SP3: variants seen among roughly 807,000 people sequenced by gnomAD.
SP3 encodes the protein Sp3 transcription factor, also known as transcription factor Sp3.
In SP3, 10 loss-of-function variants were observed where a neutral mutation model predicts 70.3. That is an observed-to-expected ratio of 0.14 (90% CI 0.09 to 0.24). SP3 has a LOEUF of 0.24. Ranked by LOEUF, SP3 falls within the 10% of genes least tolerant of loss-of-function variation. The probability of loss-of-function intolerance (pLI) is 1.00; values close to 1 mark genes in which losing one functional copy is unlikely to be tolerated. For synonymous variants in SP3, 402 were observed against 333.5 expected, an observed-to-expected ratio of 1.21 and a Z score of -2.24; for missense variants, 825 against 914.6, an observed-to-expected ratio of 0.90 and a Z score of 1.26.
rs1181021207 is a variant in SP3 at position 173,901,908 on chromosome 2, G to A, written c.*8033C>T. On this transcript the variant is annotated 3_prime_UTR_variant, in exon 7 of 7. Coordinates refer to ENST00000310015, the MANE Select transcript of SP3 (RefSeq NM_003111.5). The stretch of plus-strand genomic sequence containing the variant: ...TCACCATGTTAGTCAGGCTGCTCTC[G>A]AACTGCTGACCTCAAGCAATCCGCT... Among the ~76,000 whole-genome samples, 21 of 151,976 alleles carry A rather than the reference G, an allele frequency of 1.4e-4. No individual in the cohort carries two copies. Among genetic ancestry groups the A allele is most frequent in the Admixed American group, 1.3e-3 (20 of 15,262 alleles).
rs947702198 is a variant in SP3 at position 173,903,445 on chromosome 2, C to T, written c.*6496G>A. Reference sequence around the variant, plus strand: ...CTATGCACTTAATCACTATATTATGCTATGAAAGGTTTCAACTTTACTAAA... The same window carrying T: ...CTATGCACTTAATCACTATATTATGTTATGAAAGGTTTCAACTTTACTAAA... On this transcript the variant is annotated 3_prime_UTR_variant, in exon 7 of 7. Coordinates refer to ENST00000310015, the MANE Select transcript of SP3 (RefSeq NM_003111.5). 6.6e-6 allele frequency among the ~76,000 whole-genome samples: 1 copy of T among 152,026 alleles called. No individual in the cohort carries two copies. Among genetic ancestry groups the T allele is most frequent in the African/African-American group, 2.4e-5 (1 of 41,378 alleles).
chr2:173,958,154 T>C (rs533804415), intron 3 of SP3, among the ~76,000 whole-genome samples: 1 of 152,234 alleles, frequency 6.6e-6, no homozygotes, highest in East Asian at 1.9e-4. Flanking sequence ...TTTACAGGTA[T>C]TGAACTTTTA....
Position 173,945,459 on chromosome 2 carries a change from A to T in SP3, c.1639+9414T>A, listed in dbSNP as rs117275393. 6.5e-3 allele frequency among the ~76,000 whole-genome samples: 983 copies of T among 152,338 alleles called. 17 individuals carry two copies. Among genetic ancestry groups the T allele is most frequent in the East Asian group, 0.037 (192 of 5,176 alleles). ...CTGAAGGCAAAAAAATGATGACATT[A>T]TTTGTAGTGTGGGACAAAAGATTAA... On this transcript the variant is annotated intron_variant, in intron 4 of 6. Transcript: ENST00000310015.
In SP3 at chr2:173,955,462, T is replaced by C; in HGVS notation, c.1050A>G (p.Gln350=). 6.2e-7 allele frequency: 1 copy of C among 1,614,138 alleles called. No homozygotes were observed. ...ATGTAGTCAAGCTATTTGTGTTTTG[T>C]TGTAATATACCTGTACTATCTATCG... ...PVTIDSTGIL[Q]QNTNSLTTSS... is the part of the protein sequence containing the mutation. The change falls in exon 4 of 7, where the codon CAA becomes CAG. Residue 350 remains glutamine (Q), a synonymous_variant. Coordinates refer to ENST00000310015, the MANE Select transcript of SP3 (RefSeq NM_003111.5).
At position 173,905,263 on chromosome 2, in the gene SP3, G is replaced by A. The variant is rs559142165; in HGVS notation, c.*4678C>T. Among the ~76,000 whole-genome samples, 49 of 152,304 alleles carry A rather than the reference G, an allele frequency of 3.2e-4. No homozygotes were observed. Among genetic ancestry groups the A allele is most frequent in the African/African-American group, 1.1e-3 (45 of 41,574 alleles). ...AAAAATGGAATCTCCAGAGTTAAGG[G>A]GGGAGGAAGGCATTGGAAGGAGGTT... is the stretch of plus-strand genomic sequence containing the variant. On this transcript the variant is annotated 3_prime_UTR_variant, in exon 7 of 7. Transcript: ENST00000310015.
intron 2 of SP3, 114 bp from the exon 3 acceptor site, chr2:173,963,997 A>C: frequency 1.6e-6 from 1 of 614,570 alleles, no homozygotes; most frequent in Non-Finnish European, 2.5e-6. Flanking sequence ...GCGCCCGGGC[A>C]AGCGCCAGCC....
Position 173,908,305 on chromosome 2 carries a change from T to G in SP3, c.*1636A>C, listed in dbSNP as rs568936229. 1.1e-4 allele frequency: 16 copies of G among 152,342 alleles called. No homozygotes were observed. The highest frequency in any genetic ancestry group is 5.9e-4 in the Admixed American group (9 of 15,294). The allele number at this position is 152,342 out of a possible 1,614,324, so 9.4% of individuals were successfully genotyped here. A position where few individuals can be genotyped will look rare whatever the true frequency, so the allele number is the denominator to read the frequency against. On this transcript the variant is annotated 3_prime_UTR_variant, in exon 7 of 7. Coordinates refer to ENST00000310015, the MANE Select transcript of SP3 (RefSeq NM_003111.5). ...TCAATGTGGGCTAAGGGCTAAGACT[T>G]TTTTTCAAAAATTTTATTTAATAAG...
chr2:173,904,426 G>A lies in SP3; in HGVS notation c.*5515C>T, dbSNP rs1264770675. On this transcript the variant is annotated 3_prime_UTR_variant, in exon 7 of 7. Coordinates refer to ENST00000310015, the MANE Select transcript of SP3 (RefSeq NM_003111.5). ...TTCTGACTTAAGAAAAAACTAAGTT[G>A]GGGAGTCTCTCTGTAAGGTTTTAAG... Among the ~76,000 whole-genome samples, 6 of 151,288 alleles carry A rather than the reference G, an allele frequency of 4.0e-5. No homozygotes were observed. The highest frequency in any genetic ancestry group is 1.3e-4 in the Admixed American group (2 of 15,264).
chr2:173,930,028 T>C (rs550972734), intron 4 of SP3, among the ~76,000 whole-genome samples: 4 of 152,298 alleles, frequency 2.6e-5, no homozygotes, highest in East Asian at 3.9e-4. Context: ...AGTGTGTCTA[T>C]TTCTCTCTAA....
intron 4 of SP3, among the ~76,000 whole-genome samples, chr2:173,925,028 C>T: frequency 6.6e-6 from 1 of 152,148 alleles, no homozygotes. Flanking sequence ...GCTGGGATTA[C>T]AGGCATGCAA....
At position 173,903,927 on chromosome 2, in the gene SP3, A is replaced by T. The variant is rs182126357; in HGVS notation, c.*6014T>A. 4.1e-4 allele frequency among the ~76,000 whole-genome samples: 60 copies of T among 146,246 alleles called. No individual in the cohort carries two copies. In the East Asian group the frequency reaches 7.8e-3, roughly 19 times the overall value. ...TGACTTTTTGTTGGTATTTCCTAGGACGGCGGTCCCCAAACTTTTTGGCAC... is the reference window on the plus strand; with the variant it reads ...TGACTTTTTGTTGGTATTTCCTAGGTCGGCGGTCCCCAAACTTTTTGGCAC... On this transcript the variant is annotated 3_prime_UTR_variant, in exon 7 of 7. Transcript: ENST00000310015.
At chr2:173,961,408 T>C (rs989193674) in intron 3 of SP3, among the ~76,000 whole-genome samples, 3 of 152,248 alleles carry the variant, frequency 2.0e-5, no homozygotes, top group Admixed American at 2.0e-4. Context: ...TCTGTATGTG[T>C]ATATTTCCAC....
In SP3 at chr2:173,907,892, A is replaced by G. The variant is rs916219023; in HGVS notation, c.*2049T>C. 2.0e-4 allele frequency: 30 copies of G among 152,152 alleles called. 1 individual carries two copies. Among genetic ancestry groups the G allele is most frequent in the African/African-American group, 7.2e-4 (30 of 41,456 alleles). The allele number at this position is 152,152 out of a possible 1,614,324, so 9.4% of individuals were successfully genotyped here. On this transcript the variant is annotated 3_prime_UTR_variant, in exon 7 of 7. Transcript: ENST00000310015. ...TCACAGGCTTAAGTCTCACATTTAGAAAAACTGTCCATGTTTATGCGTGTC... is the reference window on the plus strand; with the variant it reads ...TCACAGGCTTAAGTCTCACATTTAGGAAAACTGTCCATGTTTATGCGTGTC...
Position 173,908,273 on chromosome 2 carries a change from A to G in SP3, c.*1668T>C, listed in dbSNP as rs766904703. Reference sequence around the variant, plus strand: ...TTGCAAAATGGTACTGATAAAACTGATATGAATCAATGTGGGCTAAGGGCT... The same window carrying G: ...TTGCAAAATGGTACTGATAAAACTGGTATGAATCAATGTGGGCTAAGGGCT... On this transcript the variant is annotated 3_prime_UTR_variant, in exon 7 of 7. Transcript: ENST00000310015. 6.6e-6 allele frequency: 1 copy of G among 152,310 alleles called. No individual in the cohort carries two copies. Among genetic ancestry groups the G allele is most frequent in the Non-Finnish European group, 1.5e-5 (1 of 67,954 alleles). The allele number at this position is 152,310 out of a possible 1,614,324, so 9.4% of individuals were successfully genotyped here.
intron 4 of SP3, among the ~76,000 whole-genome samples, chr2:173,930,522 T>C (rs1690038516): frequency 6.6e-6 from 1 of 152,256 alleles, no homozygotes; most frequent in Non-Finnish European, 1.5e-5. Context: ...AATTATTTTC[T>C]AGCTCATCTC....
intron 4 of SP3, among the ~76,000 whole-genome samples, chr2:173,931,543 C>G (rs926617856): frequency 1.5e-5 from 2 of 135,904 alleles, no homozygotes; most frequent in African/African-American, 5.1e-5. Flanking sequence ...GGGGTTTCAC[C>G]ATATTGGCCA....
At chr2:173,965,423 G>C, upstream of SP3, 3 of 536,686 alleles carry the variant, frequency 5.6e-6, no homozygotes, top group South Asian at 6.7e-5. Flanking sequence ...TCGCCGCCGT[G>C]CTCTTTGTCG....
rs1690253072 is a variant in SP3 at position 173,937,947 on chromosome 2, A to G, written c.1639+16926T>C. On this transcript the variant is annotated intron_variant, in intron 4 of 6. Coordinates refer to ENST00000310015, the MANE Select transcript of SP3 (RefSeq NM_003111.5). ...CATGTTATTCTTAGAATAAAAATAC[A>G]CTAAATCTACAGTGTTAAAAAATGA... Among the ~76,000 whole-genome samples, 3 of 152,206 alleles carry G rather than the reference A, an allele frequency of 2.0e-5. No homozygotes were observed. In the South Asian group the frequency reaches 6.2e-4, roughly 31 times the overall value.
At chr2:173,926,378 T>C (rs904390522) in intron 4 of SP3, among the ~76,000 whole-genome samples, 32 of 152,176 alleles carry the variant, frequency 2.1e-4, no homozygotes, top group Admixed American at 2.0e-3. Context: ...TTCTACCAAA[T>C]AGATATATAT....
Sources: gnomAD v4.1 joint callset for allele counts (sites outside exome capture counted in the v4.1 genomes callset) on GRCh38, gnomAD v4.1.1 for gene constraint, MANE v1.5 for transcripts, NCBI Gene and HGNC (gene_info 2026-07-23, HGNC 2026-07-21) for gene names.